The following MAST4 variants were observed in gnomAD, a reference collection of about 807,000 sequenced individuals.
The protein encoded by MAST4 is microtubule-associated serine/threonine-protein kinase 4.
In MAST4, 89 loss-of-function variants were observed where a neutral mutation model predicts 162.7. The observed-to-expected ratio is 0.55, with a 90% CI of 0.46 to 0.65. MAST4 has a LOEUF of 0.65. Among genes scored for constraint, MAST4 ranks in the 30% least tolerant of loss-of-function variants. The pLI is 0.00. For missense variants in MAST4, 3,153 were observed against 3,374.0 expected (o/e 0.93, Z 1.62); for synonymous variants, 1,479 against 1,361.1 (o/e 1.09, Z -1.91).
At chr5:66,870,785 A>G (rs1307917944) in intron 3 of MAST4, 2 of 471,464 alleles carry the variant, frequency 4.2e-6, no homozygotes, top group East Asian at 1.4e-4. Flanking sequence ...CAGGAAGGGC[A>G]GCCTCCGAAG....
chr5:66,915,919 A>C (rs905638533), intron 4 of MAST4, among the ~76,000 whole-genome samples: 2 of 152,172 alleles, frequency 1.3e-5, no homozygotes, highest in African/African-American at 4.8e-5. Flanking sequence ...ATTTTAAATT[A>C]TGTGTTTAAT....
At chr5:66,676,576 C>T (rs1300576698) in intron 1 of MAST4, among the ~76,000 whole-genome samples, 5 of 152,096 alleles carry the variant, frequency 3.3e-5, no homozygotes, top group Admixed American at 6.5e-5. Context: ...AAGAGAAAGT[C>T]TTAATAGAGA....
chr5:66,633,228 G>C (rs989262256), intron 1 of MAST4, among the ~76,000 whole-genome samples: 1 of 152,136 alleles, frequency 6.6e-6, no homozygotes, highest in African/African-American at 2.4e-5. Flanking sequence ...AGACAATCTG[G>C]TCATGCATGT....
At chr5:66,981,406 G>A (rs868020822) in intron 4 of MAST4, among the ~76,000 whole-genome samples, 1 of 152,178 alleles carries the variant, frequency 6.6e-6, no homozygotes, top group Non-Finnish European at 1.5e-5. Flanking sequence ...TCAGAACTTT[G>A]TGTTGAGAAA....
intron 1 of MAST4, among the ~76,000 whole-genome samples, chr5:66,634,063 CATTT>C (rs1353608148): frequency 6.6e-6 from 1 of 151,968 alleles, no homozygotes; most frequent in Non-Finnish European, 1.5e-5. Flanking sequence ...TCTTCTTTTC[CATTT>C]ATTTATTTAG....
intron 4 of MAST4, among the ~76,000 whole-genome samples, chr5:66,935,129 A>G (rs1405620923): frequency 2.0e-5 from 3 of 152,162 alleles, no homozygotes; most frequent in Non-Finnish European, 2.9e-5. Flanking sequence ...CTTGGCTTAC[A>G]CTTGGCACCA....
chr5:66,800,534 G>A (rs1755866029), intron 3 of MAST4, among the ~76,000 whole-genome samples: 1 of 152,066 alleles, frequency 6.6e-6, no homozygotes, highest in Admixed American at 6.6e-5. Context: ...AGACACTGGG[G>A]CCTGCTTGAG....
chr5:67,125,386 A>T (rs1005168322), intron 14 of MAST4, among the ~76,000 whole-genome samples: 2 of 152,018 alleles, frequency 1.3e-5, no homozygotes, highest in African/African-American at 4.8e-5. Flanking sequence ...ATTTCTCCTA[A>T]TGCTATCCCT....
chr5:66,772,178 G>C (rs1411947284), intron 2 of MAST4, among the ~76,000 whole-genome samples: 1 of 152,164 alleles, frequency 6.6e-6, no homozygotes, highest in Non-Finnish European at 1.5e-5. Flanking sequence ...TGAGGTACTG[G>C]GGAGGAGGAG....
chr5:66,607,411 T>G (rs771161458), intron 1 of MAST4, among the ~76,000 whole-genome samples: 1 of 152,252 alleles, frequency 6.6e-6, no homozygotes, highest in African/African-American at 2.4e-5. Flanking sequence ...AACCCAATTC[T>G]TATTTTCCTG....
intron 1 of MAST4, among the ~76,000 whole-genome samples, chr5:66,651,125 A>T (rs2149447885): frequency 6.6e-6 from 1 of 152,276 alleles, no homozygotes; most frequent in Non-Finnish European, 1.5e-5. Flanking sequence ...TTTACATCAT[A>T]CTGCTGTGGG....
intron 11 of MAST4, among the ~76,000 whole-genome samples, chr5:67,112,064 C>G (rs1182577908): frequency 6.8e-6 from 1 of 146,758 alleles, no homozygotes; most frequent in Non-Finnish European, 1.5e-5. Context: ...TTTTTTCTTT[C>G]TATATGGCCT....
intron 3 of MAST4, among the ~76,000 whole-genome samples, chr5:66,864,577 C>CG (rs1437994351): frequency 6.6e-6 from 1 of 152,008 alleles, no homozygotes; most frequent in African/African-American, 2.4e-5. Context: ...GCAAAAGTAA[C>CG]GGAAGAGAGA....
chr5:66,788,725 G>T lies in MAST4; in HGVS notation c.573G>T (p.Glu191Asp), dbSNP rs1369791582. 6.2e-7 allele frequency: 1 copy of T among 1,613,434 alleles called. No individual in the cohort carries two copies. Among genetic ancestry groups the T allele is most frequent in the Non-Finnish European group, 8.5e-7 (1 of 1,179,646 alleles). The stretch of plus-strand genomic sequence containing the variant: ...GACAGGCCTGGCCGGCCTCTGCAGA[G>T]ACGTCCAACCTCGTGCGCATGCGCA... Reference protein sequence around the residue: ...VAGQAWPASAETSNLVRMRSQ... With the variant: ...VAGQAWPASADTSNLVRMRSQ... The change falls in exon 3 of 29, where the codon GAG becomes GAT. Residue 191 changes from glutamate (E) to aspartate (D), a missense_variant. This residue lies in a region of MAST4 where 327 missense variants were observed against 336.5 expected (regional missense o/e 0.97). Coordinates refer to ENST00000403625, the MANE Select transcript of MAST4 (RefSeq NM_001164664.2).
intron 3 of MAST4, among the ~76,000 whole-genome samples, chr5:66,853,104 C>T (rs1177031332): frequency 6.6e-6 from 1 of 152,218 alleles, no homozygotes; most frequent in Non-Finnish European, 1.5e-5. Flanking sequence ...TGTGCCATGA[C>T]TGGTAGAGTC....
chr5:66,745,977 T>G (rs567323613), intron 1 of MAST4, among the ~76,000 whole-genome samples: 59 of 152,284 alleles, frequency 3.9e-4, no homozygotes, highest in African/African-American at 1.4e-3. Context: ...GCACAGCACA[T>G]AGGCAGTAGG....
intron 4 of MAST4, among the ~76,000 whole-genome samples, chr5:66,988,019 T>C (rs919461572): frequency 6.6e-6 from 1 of 152,200 alleles, no homozygotes; most frequent in African/African-American, 2.4e-5. Context: ...CAATGTTTTG[T>C]TGTTTTGTGC....
chr5:66,653,057 T>C (rs1746329897), intron 1 of MAST4, among the ~76,000 whole-genome samples: 1 of 152,212 alleles, frequency 6.6e-6, no homozygotes, highest in Non-Finnish European at 1.5e-5. Context: ...GCTAGATCCA[T>C]AATAGATTTT....
intron 1 of MAST4, among the ~76,000 whole-genome samples, chr5:66,712,680 T>G (rs910326383): frequency 1.3e-5 from 2 of 152,224 alleles, no homozygotes; most frequent in African/African-American, 2.4e-5. Context: ...AAATACCCTT[T>G]GAAAATTCTG....
Sources: gnomAD v4.1 joint callset for allele counts (sites outside exome capture counted in the v4.1 genomes callset) on GRCh38, gnomAD v4.1.1 for gene constraint, gnomAD v4.1.1 regional missense constraint, MANE v1.5 for transcripts, NCBI Gene and HGNC (gene_info 2026-07-23, HGNC 2026-07-21) for gene names.